The following AKAP19 variants were observed in gnomAD, a reference collection of about 807,000 sequenced individuals.
AKAP19 encodes the protein A-kinase anchoring protein 19.
chr2:189,916,139 A>T, the AKAP19 span, among the ~76,000 whole-genome samples: 24 of 152,114 alleles, frequency 1.6e-4, no homozygotes, highest in Non-Finnish European at 3.2e-4. Context: ...ATTTACATGC[A>T]ACCATAAGTA....
At chr2:190,089,282 A>T in the AKAP19 span, among the ~76,000 whole-genome samples, 16 of 152,020 alleles carry the variant, frequency 1.1e-4, no homozygotes, top group African/African-American at 3.9e-4. Context: ...TTACGCTGAA[A>T]TTGGAGATCA....
the AKAP19 span, among the ~76,000 whole-genome samples, chr2:190,131,749 C>G: frequency 1.3e-5 from 2 of 152,016 alleles, no homozygotes; most frequent in African/African-American, 4.8e-5. Context: ...GGGATAGTAT[C>G]AGAATTAAAC....
At chr2:189,950,411 A>C in the AKAP19 span, among the ~76,000 whole-genome samples, 1 of 149,704 alleles carries the variant, frequency 6.7e-6, no homozygotes, top group East Asian at 2.0e-4. Flanking sequence ...GCAAGAGAAG[A>C]ATAAGGAGTT....
the AKAP19 span, among the ~76,000 whole-genome samples, chr2:189,885,846 T>A: frequency 6.6e-6 from 1 of 152,196 alleles, no homozygotes; most frequent in African/African-American, 2.4e-5. Context: ...TTGACTCTTG[T>A]CACCCAGGCT....
At chr2:189,888,645 G>A in the AKAP19 span, among the ~76,000 whole-genome samples, 1 of 152,144 alleles carries the variant, frequency 6.6e-6, no homozygotes, top group Admixed American at 6.5e-5. Flanking sequence ...TCTCCTTGAA[G>A]AGGTCCTTCA....
At chr2:190,129,130 A>G in the AKAP19 span, among the ~76,000 whole-genome samples, 1 of 152,212 alleles carries the variant, frequency 6.6e-6, no homozygotes, top group African/African-American at 2.4e-5. Flanking sequence ...TGTACAAATC[A>G]GTACATGTAT....
the AKAP19 span, among the ~76,000 whole-genome samples, chr2:189,972,635 G>T: frequency 6.6e-6 from 1 of 152,112 alleles, no homozygotes; most frequent in Admixed American, 6.6e-5. Context: ...TCTTCCATTT[G>T]TTTGTGTCCT....
chr2:190,060,558 G>A, the AKAP19 span: 6 of 825,770 alleles, frequency 7.3e-6, no homozygotes, highest in South Asian at 1.1e-4. Context: ...CTTTTAAAAT[G>A]AAATACCGTG....
At chr2:190,011,710 T>C in the AKAP19 span, among the ~76,000 whole-genome samples, 10,946 of 152,300 alleles carry the variant, frequency 0.072, 442 homozygotes, top group African/African-American at 0.079. Flanking sequence ...TTATGTATTC[T>C]TGGCACCTTT....
the AKAP19 span, among the ~76,000 whole-genome samples, chr2:190,084,251 C>A: frequency 1.5e-4 from 23 of 152,112 alleles, no homozygotes; most frequent in Non-Finnish European, 1.5e-5. Context: ...CACCACCATG[C>A]CTGGCTAATT....
At chr2:190,057,418 T>G in the AKAP19 span, 1 of 1,613,594 alleles carries the variant, frequency 6.2e-7, no homozygotes, top group Non-Finnish European at 8.5e-7. Flanking sequence ...CAGATGAGTA[T>G]GAGGATATTT....
At chr2:190,141,521 G>T in the AKAP19 span, among the ~76,000 whole-genome samples, 1 of 152,174 alleles carries the variant, frequency 6.6e-6, no homozygotes, top group Non-Finnish European at 1.5e-5. Flanking sequence ...TCATATGGTG[G>T]CAGCAAGGAG....
chr2:189,990,153 C>G, the AKAP19 span, among the ~76,000 whole-genome samples: 1 of 152,152 alleles, frequency 6.6e-6, no homozygotes, highest in African/African-American at 2.4e-5. Flanking sequence ...GCTTTTAGAA[C>G]CTCCAGTAAA....
the AKAP19 span, chr2:190,080,093 T>C: frequency 6.6e-6 from 1 of 152,194 alleles, no homozygotes; most frequent in Non-Finnish European, 1.5e-5. Flanking sequence ...TCTGTGCAGA[T>C]ATTATAGAAT....
At chr2:190,063,765 G>A in the AKAP19 span, among the ~76,000 whole-genome samples, 2 of 152,094 alleles carry the variant, frequency 1.3e-5, no homozygotes, top group African/African-American at 4.8e-5. Context: ...ACCTGGCAGG[G>A]ATTTGGGGTA....
At chr2:189,965,563 A>G in the AKAP19 span, among the ~76,000 whole-genome samples, 1 of 152,150 alleles carries the variant, frequency 6.6e-6, no homozygotes, top group Admixed American at 6.5e-5. Context: ...AACAGCATGA[A>G]TGATCAGGGA....
chr2:190,159,620 T>G, the AKAP19 span, among the ~76,000 whole-genome samples: 3 of 152,120 alleles, frequency 2.0e-5, no homozygotes, highest in African/African-American at 7.2e-5. Context: ...GTCCCTAAGG[T>G]CCTTGGCTGA....
the AKAP19 span, among the ~76,000 whole-genome samples, chr2:190,114,193 C>A: frequency 3.3e-5 from 5 of 152,162 alleles, no homozygotes; most frequent in Admixed American, 2.0e-4. Flanking sequence ...CTGTTTGTGT[C>A]ATTTAGCATT....
chr2:190,054,261 T>G, the AKAP19 span, among the ~76,000 whole-genome samples: 1 of 152,082 alleles, frequency 6.6e-6, no homozygotes, highest in Non-Finnish European at 1.5e-5. Flanking sequence ...ATTTAATAAA[T>G]GGTGCTGGGA....
Sources: allele counts gnomAD v4.1 joint callset (sites outside exome capture counted in the v4.1 genomes callset), GRCh38; gene constraint gnomAD v4.1.1; transcripts MANE v1.5; gene names NCBI Gene and HGNC (gene_info 2026-07-23, HGNC 2026-07-21).